DNAH9: variants seen among roughly 807,000 people sequenced by gnomAD.
The protein encoded by DNAH9 is dynein axonemal heavy chain 9, also known as DNAH9 variant protein.
Under a neutral mutation model 471.6 loss-of-function variants are expected in DNAH9, and 345 were observed. The ratio of observed to expected loss-of-function variants is 0.73; its 90% CI spans 0.67 to 0.80. DNAH9 has a LOEUF of 0.80. Among genes scored for constraint, DNAH9 ranks in the 30% least tolerant of loss-of-function variants. The pLI is 0.00. For missense variants in DNAH9, 5,407 were observed against 5,609.2 expected (o/e 0.96, Z 1.15); for synonymous variants, 2,093 against 2,123.6 (o/e 0.99, Z 0.40).
At chr17:11,602,649 C>T (rs912814087) in intron 1 of DNAH9, among the ~76,000 whole-genome samples, 4 of 152,194 alleles carry the variant, frequency 2.6e-5, no homozygotes, top group African/African-American at 9.7e-5. Flanking sequence ...CCCAACATTA[C>T]TTCTAATATG....
At chr17:11,708,006 CACACACACAGAG>C (rs1309878923) in intron 26 of DNAH9, among the ~76,000 whole-genome samples, 60 of 48,246 alleles carry the variant, frequency 1.2e-3, no homozygotes, top group South Asian at 5.6e-3. Flanking sequence ...CACACACACA[CACACACACAGAG>C]AGAGAGAGAG....
intron 61 of DNAH9, among the ~76,000 whole-genome samples, chr17:11,909,454 G>A (rs1000038061): frequency 1.3e-5 from 2 of 152,058 alleles, no homozygotes; most frequent in African/African-American, 4.8e-5. Flanking sequence ...GTCTTGAACT[G>A]TCTCCCCTGC....
chr17:11,679,663 A>G, intron 17 of DNAH9, 94 bp from the exon 18 acceptor site: 1 of 891,508 alleles, frequency 1.1e-6, no homozygotes, highest in Non-Finnish European at 1.9e-6. Flanking sequence ...TAGGATTTTC[A>G]TAATGATAGA....
At chr17:11,917,666 C>T (rs1974001285) in intron 61 of DNAH9, among the ~76,000 whole-genome samples, 6 of 152,186 alleles carry the variant, frequency 3.9e-5, no homozygotes, top group Admixed American at 3.9e-4. Flanking sequence ...ACCCATGATA[C>T]CTGCCTCCTT....
chr17:11,953,117 C>G (rs1024496539), intron 67 of DNAH9, among the ~76,000 whole-genome samples: 1 of 152,186 alleles, frequency 6.6e-6, no homozygotes, highest in East Asian at 1.9e-4. Context: ...CTTAAAGACT[C>G]TATTTCCAAT....
At chr17:11,630,720 T>TA (rs1264148676) in intron 7 of DNAH9, among the ~76,000 whole-genome samples, 2 of 151,988 alleles carry the variant, frequency 1.3e-5, no homozygotes, top group Non-Finnish European at 2.9e-5. Flanking sequence ...AAAATAATTT[T>TA]AAAAAAAGAA....
intron 43 of DNAH9, among the ~76,000 whole-genome samples, chr17:11,801,787 G>T (rs746175472): frequency 1.5e-4 from 23 of 152,138 alleles, no homozygotes; most frequent in Non-Finnish European, 2.9e-4. Flanking sequence ...TCTTGGAATT[G>T]AGGCAAGTCT....
intron 28 of DNAH9, among the ~76,000 whole-genome samples, chr17:11,732,994 G>A (rs943413826): frequency 2.6e-5 from 4 of 152,342 alleles, no homozygotes; most frequent in African/African-American, 9.6e-5. Context: ...AGCCGAGGGA[G>A]CTTCCCATGT....
rs1350335937 is a variant in DNAH9, at chr17:11,608,216, C to A, written c.505C>A (p.Leu169Ile). Reference sequence around the variant, plus strand: ...GGATGTCAGGCGGCACGCCCACAGCCTCCAATGTGACCTCTCAGTTATACT... The same window carrying A: ...GGATGTCAGGCGGCACGCCCACAGCATCCAATGTGACCTCTCAGTTATACT... ...CEDVRRHAHSLQCDLSVILEQ... is the reference protein window; with the variant it reads ...CEDVRRHAHSIQCDLSVILEQ... The change falls in exon 2 of 69, where the codon CTC (leucine) becomes ATC (isoleucine). Residue 169 changes from leucine (L) to isoleucine (I), a missense_variant. By Grantham distance (5) the Leu-to-Ile change is conservative (BLOSUM62 2). Coordinates refer to ENST00000262442, the MANE Select transcript of DNAH9 (RefSeq NM_001372.4). The A allele has an allele frequency of 1.9e-6, 3 of 1,614,072 alleles. No individual in the cohort carries two copies. The highest frequency in any genetic ancestry group is 1.7e-5 in the Admixed American group (1 of 60,026).
intron 24 of DNAH9, among the ~76,000 whole-genome samples, chr17:11,703,447 C>T (rs999554913): frequency 5.3e-5 from 8 of 152,148 alleles, no homozygotes; most frequent in African/African-American, 1.9e-4. Context: ...GTTGCCTCCT[C>T]CTATTGCAGT....
At position 11,806,671 on chromosome 17, in the gene DNAH9, C is replaced by CAA. The variant is rs796634933; in HGVS notation, c.8421-1060_8421-1059insAA. Among the ~76,000 whole-genome samples the CAA allele has an allele frequency of 3.3e-5, 5 of 151,656 alleles. No individual in the cohort carries two copies. In the East Asian group the frequency reaches 5.8e-4, roughly 18 times the overall value. ...TTTTCAGGTACAAACAATGTATGTA[C>CAA]ATATATATTTATAAAAATGCAGACA... On this transcript the variant is annotated intron_variant, in intron 43 of 68. Transcript: ENST00000262442.
chr17:11,621,426 AAAGAC>A (rs1207943593), intron 6 of DNAH9, among the ~76,000 whole-genome samples: 1 of 151,434 alleles, frequency 6.6e-6, no homozygotes, highest in African/African-American at 2.4e-5. Context: ...AAAAAAAAAA[AAAGAC>A]AAGAGCCAGA....
intron 50 of DNAH9, among the ~76,000 whole-genome samples, chr17:11,865,276 T>A (rs1365178072): frequency 2.6e-5 from 4 of 152,126 alleles, no homozygotes; most frequent in Non-Finnish European, 5.9e-5. Context: ...CCTTCACTTA[T>A]GAAGCTTAGT....
intron 44 of DNAH9, among the ~76,000 whole-genome samples, chr17:11,809,201 T>TTG (rs1162301986): frequency 4.7e-5 from 4 of 84,404 alleles, no homozygotes; most frequent in African/African-American, 1.8e-4. Context: ...GTGATTGCAT[T>TTG]TGTGTATGTG....
At chr17:11,882,055 G>A (rs1030475358) in intron 55 of DNAH9, among the ~76,000 whole-genome samples, 1 of 152,248 alleles carries the variant, frequency 6.6e-6, no homozygotes, top group African/African-American at 2.4e-5. Context: ...AACAGAACTA[G>A]GTCCAACAGT....
rs1859887 is a variant in DNAH9, at chr17:11,930,048, G to A, written c.12060G>A (p.Thr4020=). ...TTAAGATCACCAATGAGCCCCCCAC[G>A]GGCATGCATGCCAACCTGCACAAGG... ...NSIKITNEPP[T]GMHANLHKAL... is the part of the protein sequence containing the mutation. Residue 4020 remains threonine (T), a synonymous_variant, in exon 63 of 69, where the codon ACG becomes ACA. Transcript: ENST00000262442. The A allele has an allele frequency of 0.3, 490,279 of 1,613,610 alleles. 77,315 individuals carry two copies. The highest frequency in any genetic ancestry group is 0.34 in the Middle Eastern group (2,070 of 6,062).
rs1361053661 is a variant in DNAH9, at chr17:11,739,013, C to T, written c.5948C>T (p.Pro1983Leu). The T allele has an allele frequency of 1.9e-6, 3 of 1,613,886 alleles. No individual in the cohort carries two copies. Among genetic ancestry groups the T allele is most frequent in the Non-Finnish European group, 2.5e-6 (3 of 1,179,792 alleles). ...GGCTATGCTGGCCGCACAGAGCTGC[C>T]AGAGAATCTCAAGTCTCTCTTCAGG... ...NPGYAGRTEL[P>L]ENLKSLFRPC... Residue 1983 changes from proline to leucine, a missense_variant, in exon 29 of 69, where the codon CCA becomes CTA. Pro to Leu is a moderately conservative substitution (Grantham distance 98). Coordinates refer to ENST00000262442, the MANE Select transcript of DNAH9 (RefSeq NM_001372.4).
chr17:11,665,134 T>C (rs1458492400), intron 15 of DNAH9, among the ~76,000 whole-genome samples, 166 bp downstream of exon 15: 1 of 152,226 alleles, frequency 6.6e-6, no homozygotes, highest in African/African-American at 2.4e-5. Flanking sequence ...AACTTCTAAA[T>C]TGTTCAAAGA....
chr17:11,625,421 C>A (rs2072952018), intron 6 of DNAH9, among the ~76,000 whole-genome samples: 1 of 152,122 alleles, frequency 6.6e-6, no homozygotes, highest in Non-Finnish European at 1.5e-5. Flanking sequence ...CCCTTTTAGC[C>A]CGGCTTGAAT....
Sources: gnomAD v4.1 joint callset for allele counts (sites outside exome capture counted in the v4.1 genomes callset) on GRCh38, gnomAD v4.1.1 for gene constraint, MANE v1.5 for transcripts, NCBI Gene and HGNC (gene_info 2026-07-23, HGNC 2026-07-21) for gene names.